Variants in GLRA1 observed in about 807,000 individuals in gnomAD.
The protein encoded by GLRA1 is glycine receptor alpha 1.
GLRA1 carries 37 observed loss-of-function variants against 48.3 expected under a neutral mutation model. That is an observed-to-expected ratio of 0.77 (90% CI 0.59 to 1.01). The LOEUF is 1.01. Among genes scored for constraint, GLRA1 ranks in the 50% least tolerant of loss-of-function variants. GLRA1 has a pLI of 0.00. For missense variants in GLRA1, 427 were observed against 571.0 expected (o/e 0.75, Z 2.57); for synonymous variants, 196 against 210.7 (o/e 0.93, Z 0.60).
chr5:151,889,219 A>C (rs1753994931), intron 2 of GLRA1, among the ~76,000 whole-genome samples: 1 of 152,280 alleles, frequency 6.6e-6, no homozygotes, highest in Admixed American at 6.5e-5. Context: ...AGAAAATTAC[A>C]ATTTAGCTGC....
At chr5:151,833,714 C>T (rs763143320) in intron 7 of GLRA1, among the ~76,000 whole-genome samples, 11 of 150,482 alleles carry the variant, frequency 7.3e-5, no homozygotes, top group Non-Finnish European at 1.2e-4. Flanking sequence ...CCACCTGCCT[C>T]GGCCTCCCAG....
chr5:151,822,750 T>TGG lies in GLRA1; in HGVS notation c.1271_1272dup (p.Met425ProfsTer47), dbSNP rs1272088301. ...AACATGTTGAAAATGAGGAAGGCCATGGGGAAGCCAATGCGGGATATTTTG... is the reference window on the plus strand; with the variant it reads ...AACATGTTGAAAATGAGGAAGGCCATGGGGGGAAGCCAATGCGGGATATTTTG... On this transcript the variant is annotated frameshift_variant, in exon 9 of 9. Coordinates refer to ENST00000274576, the MANE Select transcript of GLRA1 (RefSeq NM_000171.4). LOFTEE classifies it high-confidence loss of function. 9 of 1,613,934 alleles carry TGG rather than the reference T, an allele frequency of 5.6e-6. No homozygotes were observed. The highest frequency in any genetic ancestry group is 1.7e-6 in the Non-Finnish European group (2 of 1,179,846).
At chr5:151,892,528 C>A in intron 1 of GLRA1, 90 bp from the exon 2 acceptor site, 1 of 1,375,844 alleles carries the variant, frequency 7.3e-7, no homozygotes, top group South Asian at 1.2e-5. Flanking sequence ...TCTGTAGAAC[C>A]ACAAGAGTGT....
At chr5:151,849,363 CTTTCTTCCTTTCG>C (rs1752814604) in intron 7 of GLRA1, among the ~76,000 whole-genome samples, 2 of 86,194 alleles carry the variant, frequency 2.3e-5, no homozygotes, top group Non-Finnish European at 2.2e-5. Context: ...TCCTTCCTTC[CTTTCTTCCTTTCG>C]TTTCCTTTCC....
At chr5:151,900,421 C>CT (rs1057028506) in intron 1 of GLRA1, among the ~76,000 whole-genome samples, 35 of 152,232 alleles carry the variant, frequency 2.3e-4, no homozygotes, top group African/African-American at 8.4e-4. Flanking sequence ...TTTTAAAAAG[C>CT]TTTTTTGTTT....
At chr5:151,895,485 G>C (rs967578953) in intron 1 of GLRA1, among the ~76,000 whole-genome samples, 1 of 152,150 alleles carries the variant, frequency 6.6e-6, no homozygotes, top group Non-Finnish European at 1.5e-5. Flanking sequence ...TACTTAACTT[G>C]TCTGAGCTTT....
chr5:151,860,156 G>A, intron 3 of GLRA1, 148 bp from the exon 4 acceptor site: 1 of 695,442 alleles, frequency 1.4e-6, no homozygotes, highest in Non-Finnish European at 2.6e-6. Context: ...GACATAAAAG[G>A]TGTGTATCAG....
intron 1 of GLRA1, among the ~76,000 whole-genome samples, chr5:151,904,581 T>A (rs1754433698): frequency 6.6e-6 from 1 of 152,196 alleles, no homozygotes; most frequent in East Asian, 1.9e-4. Flanking sequence ...GTTTTTTGGC[T>A]GAAAAAGGGC....
At chr5:151,899,281 G>A (rs1754306957) in intron 1 of GLRA1, among the ~76,000 whole-genome samples, 1 of 152,212 alleles carries the variant, frequency 6.6e-6, no homozygotes, top group Admixed American at 6.5e-5. Flanking sequence ...GTGGAAGGCA[G>A]TATTTGAGGG....
chr5:151,850,889 G>C, intron 7 of GLRA1: 1 of 595,256 alleles, frequency 1.7e-6, no homozygotes, highest in South Asian at 1.9e-5. Flanking sequence ...AACTCAAAGG[G>C]TGGAATATAA....
chr5:151,904,984 A>T (rs1158905745), intron 1 of GLRA1, among the ~76,000 whole-genome samples: 4 of 152,178 alleles, frequency 2.6e-5, no homozygotes, highest in African/African-American at 9.7e-5. Flanking sequence ...TTAGTAATTT[A>T]TCTGTTATGT....
At chr5:151,823,104 G>A (rs1208907643) in intron 8 of GLRA1, 141 bp from the exon 9 acceptor site, 1 of 757,146 alleles carries the variant, frequency 1.3e-6, no homozygotes, top group Non-Finnish European at 2.1e-6. Flanking sequence ...GGTTTCTGGA[G>A]GCTTTTTGGC....
At chr5:151,823,067 C>G (rs560755783) in intron 8 of GLRA1, 104 bp from the exon 9 acceptor site, 330 of 1,040,996 alleles carry the variant, frequency 3.2e-4, no homozygotes, top group Non-Finnish European at 4.2e-4. Context: ...ATCTGGTTCT[C>G]CCTGCTTTCC....
intron 3 of GLRA1, among the ~76,000 whole-genome samples, chr5:151,877,475 A>G (rs1753654362): frequency 6.6e-6 from 1 of 152,178 alleles, no homozygotes; most frequent in East Asian, 1.9e-4. Context: ...AAGAGATACC[A>G]GTAAAAATAA....
chr5:151,833,534 G>C (rs1311329623), intron 7 of GLRA1, among the ~76,000 whole-genome samples: 1 of 152,120 alleles, frequency 6.6e-6, no homozygotes, highest in African/African-American at 2.4e-5. Context: ...CACGATCTCA[G>C]CTCGCCAAAT....
intron 3 of GLRA1, among the ~76,000 whole-genome samples, chr5:151,879,230 G>T (rs1388347904): frequency 6.6e-6 from 1 of 152,122 alleles, no homozygotes; most frequent in Non-Finnish European, 1.5e-5. Flanking sequence ...ACTCGCATGG[G>T]GCCTGTAGCC....
At chr5:151,852,386 C>T (rs1752934613) in intron 6 of GLRA1, among the ~76,000 whole-genome samples, 1 of 152,170 alleles carries the variant, frequency 6.6e-6, no homozygotes, top group Admixed American at 6.5e-5. Flanking sequence ...TTCCCTGAGC[C>T]CTGTTCACAT....
At chr5:151,916,403 G>A (rs1178646819) in intron 1 of GLRA1, among the ~76,000 whole-genome samples, 2 of 152,264 alleles carry the variant, frequency 1.3e-5, no homozygotes, top group Non-Finnish European at 2.9e-5. Flanking sequence ...GCTGGCGAAT[G>A]TTGCAGAACT....
chr5:151,856,262 A>G (rs1753039052), intron 5 of GLRA1, 39 bp downstream of exon 5: 6 of 1,384,124 alleles, frequency 4.3e-6, no homozygotes, highest in Non-Finnish European at 5.1e-6. Flanking sequence ...GGTAAAAAGG[A>G]GCCTGGTTCT....
Sources: gnomAD v4.1 joint callset for allele counts (sites outside exome capture counted in the v4.1 genomes callset) on GRCh38, gnomAD v4.1.1 for gene constraint, MANE v1.5 for transcripts, NCBI Gene and HGNC (gene_info 2026-07-23, HGNC 2026-07-21) for gene names.